NFS1: variants seen among roughly 807,000 people sequenced by gnomAD.
NFS1 encodes cysteine desulfurase.
A neutral mutation model predicts 57.3 loss-of-function variants in NFS1; 26 were observed. The observed-to-expected ratio is 0.45, with a 90% CI of 0.33 to 0.63. NFS1 has a LOEUF of 0.63. Ranked by LOEUF, NFS1 falls within the 20% of genes least tolerant of loss-of-function variation. NFS1 has a pLI of 0.02. For missense variants in NFS1, 505 were observed against 605.8 expected (o/e 0.83, Z 1.75); for synonymous variants, 209 against 216.3 (o/e 0.97, Z 0.30).
rs145410950 is a variant in NFS1 at position 35,669,638 on chromosome 20, T to G, written c.1358A>C (p.Lys453Thr). The G allele has an allele frequency of 2.0e-5, 32 of 1,613,986 alleles. No homozygotes were observed. Among genetic ancestry groups the G allele is most frequent in the Non-Finnish European group, 2.6e-5 (31 of 1,179,962 alleles). Reference sequence around the variant, plus strand: ...CCTATTCTTCTAGTGTTGGGTCCACTTGATGCTCTTGAGGTCAATGCCATC... The same window carrying G: ...CCTATTCTTCTAGTGTTGGGTCCACGTGATGCTCTTGAGGTCAATGCCATC... ...VQDGIDLKSI[K>T]WTQH The change falls in exon 13 of 13, where the codon AAG (lysine) becomes ACG (threonine). Residue 453 changes from lysine to threonine, a missense_variant. Lys to Thr is a moderately conservative substitution (Grantham distance 78). Transcript: ENST00000374092.
At position 35,690,565 on chromosome 20, in the gene NFS1, C is replaced by T. The variant is rs1332536418; in HGVS notation, c.409G>A (p.Gly137Arg). ...CGTGACCTGTAGAATCGGGCCACCC[C>T]CTAGAAATTGGTGGTGACAGATGGA... is the stretch of plus-strand genomic sequence containing the variant. ...ATESNNIAIK[G>R]VARFYRSRKK... The change falls in exon 5 of 13, where the codon GGG becomes AGG. Residue 137 changes from glycine (G) to arginine (R), a missense_variant and splice_region_variant. Coordinates refer to ENST00000374092, the MANE Select transcript of NFS1 (RefSeq NM_021100.5). 1 of 1,613,588 alleles carries T rather than the reference C, an allele frequency of 6.2e-7. No homozygotes were observed. Among genetic ancestry groups the T allele is most frequent in the Non-Finnish European group, 8.5e-7 (1 of 1,179,822 alleles).
intron 6 of NFS1, 77 bp downstream of exon 6, chr20:35,681,811 G>T (rs2034853619): frequency 2.5e-6 from 2 of 797,240 alleles, no homozygotes; most frequent in Non-Finnish European, 4.4e-6. Flanking sequence ...ACTCCATAGA[G>T]TATTACAGCT....
At chr20:35,680,610 T>G in intron 7 of NFS1, 127 bp downstream of exon 7, 1 of 750,720 alleles carries the variant, frequency 1.3e-6, no homozygotes, top group Non-Finnish European at 1.9e-6. Flanking sequence ...ACATTTGCAT[T>G]CTACAAGGGA....
chr20:35,669,424 G>A lies in NFS1; in HGVS notation c.*198C>T, dbSNP rs1172807369. The A allele has an allele frequency of 7.3e-6, 4 of 551,724 alleles. No homozygotes were observed. In the African/African-American group the frequency reaches 7.5e-5, roughly 10 times the overall value. The allele number at this position is 551,724 out of a possible 1,614,324, so 34.2% of individuals were successfully genotyped here. ...ACACTTTAAGACCCGAGAAGAAATG[G>A]GGAGTGCTCCACACCCAAGGAACTG... On this transcript the variant is annotated 3_prime_UTR_variant, in exon 13 of 13. Coordinates refer to ENST00000374092, the MANE Select transcript of NFS1 (RefSeq NM_021100.5).
chr20:35,692,773 A>G lies in NFS1; in HGVS notation c.409-2208T>C, dbSNP rs1208825164. The stretch of plus-strand genomic sequence containing the variant: ...TCCCAGCACTTTGGGAGACTGAGGC[A>G]GGTGGATCACCTGAGGTCAGAAGTT... On this transcript the variant is annotated intron_variant, in intron 4 of 12. Transcript: ENST00000374092. Among the ~76,000 whole-genome samples, 5 of 152,162 alleles carry G rather than the reference A, an allele frequency of 3.3e-5. No homozygotes were observed. The East Asian group carries it at 9.7e-4, about 29-fold the overall frequency.
intron 5 of NFS1, 26 bp from the exon 6 acceptor site, chr20:35,682,007 C>T: frequency 7.3e-7 from 1 of 1,371,460 alleles, no homozygotes; most frequent in Non-Finnish European, 1.0e-6. Flanking sequence ...AGTAAGGTGA[C>T]TAGATAGTAC....
At chr20:35,694,191 T>C (rs1432083144) in intron 4 of NFS1, among the ~76,000 whole-genome samples, 1 of 150,366 alleles carries the variant, frequency 6.7e-6, no homozygotes, top group Non-Finnish European at 1.5e-5. Context: ...GTTGCTACAG[T>C]GCAATGGCGC....
At position 35,668,875 on chromosome 20, in the gene NFS1, A is replaced by G. The variant is rs912047408; in HGVS notation, c.*747T>C. On this transcript the variant is annotated 3_prime_UTR_variant, in exon 13 of 13. Transcript: ENST00000374092. Reference sequence around the variant, plus strand: ...AAGAGATACAAAAGCCCACTGAGTCATTTATGCAAATCAGATGGAGTGGCG... The same window carrying G: ...AAGAGATACAAAAGCCCACTGAGTCGTTTATGCAAATCAGATGGAGTGGCG... 4 of 152,344 alleles carry G rather than the reference A, an allele frequency of 2.6e-5. No homozygotes were observed. The East Asian group carries it at 7.7e-4, about 29-fold the overall frequency. 9.4% of individuals were successfully genotyped at this position (152,344 alleles called of 1,614,324 possible). A position where few individuals can be genotyped will look rare whatever the true frequency, so the allele number is the denominator to read the frequency against.
Position 35,675,027 on chromosome 20 carries a change from G to C in NFS1, c.948+18C>G, listed in dbSNP as rs371525759. On this transcript the variant is annotated intron_variant, in intron 8 of 12. Coordinates refer to ENST00000374092, the MANE Select transcript of NFS1 (RefSeq NM_021100.5). ...GCACAGGGGAAGAAGTTGTGGGAGG[G>C]AACTGCTCTCCCCATACCTCCATCT... The C allele has an allele frequency of 1.9e-6, 3 of 1,613,852 alleles. No homozygotes were observed. Among genetic ancestry groups the C allele is most frequent in the Non-Finnish European group, 2.5e-6 (3 of 1,179,818 alleles).
At chr20:35,694,543 A>T (rs1219858015) in intron 4 of NFS1, 2 of 152,238 alleles carry the variant, frequency 1.3e-5, no homozygotes, top group Non-Finnish European at 2.9e-5. Flanking sequence ...TGGTCTGTTC[A>T]TGAGGACAAA....
chr20:35,697,652 C>T, intron 3 of NFS1, 32 bp downstream of exon 3: 1 of 1,489,218 alleles, frequency 6.7e-7, no homozygotes, highest in Non-Finnish European at 9.2e-7. Flanking sequence ...CCCTCTTTGA[C>T]CTTAGAACCT....
At chr20:35,698,665 G>C in intron 1 of NFS1, 75 bp from the exon 2 acceptor site, 1 of 1,495,862 alleles carries the variant, frequency 6.7e-7, no homozygotes, top group Admixed American at 2.4e-5. Flanking sequence ...AAGGGCAGAA[G>C]GAAAAATCTG....
In NFS1 at chr20:35,699,200, C is replaced by A; in HGVS notation, c.89G>T (p.Arg30Leu). Residue 30 changes from arginine (R) to leucine (L), a missense_variant, in exon 1 of 13, where the codon CGC (arginine) becomes CTC (leucine). Arg to Leu is a moderately radical substitution (Grantham distance 102). Transcript: ENST00000374092. This position sits in a 1 kb window ranked among gnomAD's most constrained non-coding sequence, Gnocchi z 4.4. ...GCGGGACCCGAGCGTACCGCGCAGG[C>A]GCAGCCCCCGAGTGGGCGCCGCGGG... is the stretch of plus-strand genomic sequence containing the variant. ...PKPAAPTRGL[R>L]LRVGDRAPQS... 1 of 1,414,430 alleles carries A rather than the reference C, an allele frequency of 7.1e-7. No individual in the cohort carries two copies. Among genetic ancestry groups the A allele is most frequent in the Non-Finnish European group, 9.1e-7 (1 of 1,095,116 alleles). 87.6% of individuals were successfully genotyped at this position (1,414,430 alleles called of 1,614,324 possible).
intron 5 of NFS1, among the ~76,000 whole-genome samples, chr20:35,682,480 T>G (rs2034864673): frequency 6.6e-6 from 1 of 152,150 alleles, no homozygotes; most frequent in South Asian, 2.1e-4. Context: ...TCCCAAAGAC[T>G]TATGATTAGT....
Position 35,674,350 on chromosome 20 carries a change from C to A in NFS1, c.1136G>T (p.Ser379Ile). The A allele has an allele frequency of 6.2e-7, 1 of 1,613,778 alleles. No homozygotes were observed. Among genetic ancestry groups the A allele is most frequent in the South Asian group, 1.1e-5 (1 of 91,058 alleles). The change falls in exon 10 of 13, where the codon AGT becomes ATT. Residue 379 changes from serine (S) to isoleucine (I), a missense_variant and splice_region_variant. Coordinates refer to ENST00000374092, the MANE Select transcript of NFS1 (RefSeq NM_021100.5). The part of the protein sequence containing the change: ...ALKDVALSSG[S>I]ACTSASLEPS... ...GCCCTGTCTATGCCGTCCAGCTCAC[C>A]TCCCTGAGGATAAGGCAACGTCCTT...
chr20:35,694,129 G>A (rs940482997), intron 4 of NFS1, among the ~76,000 whole-genome samples: 1 of 151,184 alleles, frequency 6.6e-6, no homozygotes, highest in African/African-American at 2.4e-5. Context: ...CTAGGTGACA[G>A]AATGAGACCA....
At chr20:35,670,943 A>G (rs1263077043) in intron 12 of NFS1, among the ~76,000 whole-genome samples, 1 of 152,176 alleles carries the variant, frequency 6.6e-6, no homozygotes, top group African/African-American at 2.4e-5. Context: ...CTCTCTACCA[A>G]CTAGATCAAG....
chr20:35,671,461 C>T (rs890052161), intron 12 of NFS1, among the ~76,000 whole-genome samples: 4 of 152,168 alleles, frequency 2.6e-5, no homozygotes, highest in Admixed American at 2.0e-4. Flanking sequence ...GTCCTAGCTA[C>T]TTGGGAGTCT....
In NFS1 at chr20:35,697,770, A is replaced by G. The variant is rs764212362; in HGVS notation, c.238T>C (p.Tyr80His). Residue 80 changes from tyrosine (Y) to histidine (H), a missense_variant, in exon 3 of 13, where the codon TAC (tyrosine) becomes CAC (histidine). By Grantham distance (83) the Tyr-to-His change is moderately conservative (BLOSUM62 2). Coordinates refer to ENST00000374092, the MANE Select transcript of NFS1 (RefSeq NM_021100.5). ...GGGTTCCCATAGTAGTTGATTAGGT[A>G]AGGGAGCATGGCATCAAGCACCCGG... ...DPRVLDAMLPYLINYYGNPHS... is the reference protein window; with the variant it reads ...DPRVLDAMLPHLINYYGNPHS... The G allele has an allele frequency of 6.2e-7, 1 of 1,613,796 alleles. No individual in the cohort carries two copies. Among genetic ancestry groups the G allele is most frequent in the Non-Finnish European group, 8.5e-7 (1 of 1,179,866 alleles).
Sources: allele counts gnomAD v4.1 joint callset (sites outside exome capture counted in the v4.1 genomes callset), GRCh38; gene constraint gnomAD v4.1.1; non-coding constraint Gnocchi (gnomAD v3.1); transcripts MANE v1.5; gene names NCBI Gene and HGNC (gene_info 2026-07-23, HGNC 2026-07-21).